Variants in USP28 observed in about 807,000 individuals in gnomAD.
USP28 encodes the protein ubiquitin specific peptidase 28.
In USP28, 113 loss-of-function variants were observed where a neutral mutation model predicts 145.0. The ratio of observed to expected loss-of-function variants is 0.78; its 90% CI spans 0.67 to 0.91. The LOEUF (loss-of-function observed/expected upper bound fraction) is 0.91. Among genes scored for constraint, USP28 ranks in the 40% least tolerant of loss-of-function variants. The probability of loss-of-function intolerance (pLI) is 0.00; values close to 1 mark genes in which losing one functional copy is unlikely to be tolerated. For missense variants in USP28, 1,201 were observed against 1,289.6 expected, an observed-to-expected ratio of 0.93 and a Z score of 1.05; for synonymous variants, 447 against 450.9, an observed-to-expected ratio of 0.99 and a Z score of 0.11.
exon 16 of USP28, chr11:113,812,353 T>C: frequency 1.2e-6 from 2 of 1,614,124 alleles, no homozygotes; most frequent in Non-Finnish European, 1.7e-6. Context: ...TCCATAGGAA[T>C]CTCTTTCAAC....
At chr11:113,869,350 A>G (rs1565518642) in intron 1 of USP28, among the ~76,000 whole-genome samples, 1 of 152,086 alleles carries the variant, frequency 6.6e-6, no homozygotes, top group African/African-American at 2.4e-5. Flanking sequence ...AATCAATAGA[A>G]CCCGGAAGGC....
chr11:113,848,945 G>C lies in USP28; in HGVS notation c.268+3556C>G, dbSNP rs1036357816. On this transcript the variant is annotated intron_variant, in intron 3 of 24. Coordinates refer to ENST00000003302, the Ensembl canonical transcript of USP28. ...AGATGACTCCTGAGACTTTGGACTAGAGAATTACCACTTGAGGGGCATTTA... is the reference window on the plus strand; with the variant it reads ...AGATGACTCCTGAGACTTTGGACTACAGAATTACCACTTGAGGGGCATTTA... 6.6e-5 allele frequency among the ~76,000 whole-genome samples: 10 copies of C among 152,174 alleles called. No homozygotes were observed. In the East Asian group the frequency reaches 9.6e-4, roughly 15 times the overall value.
At chr11:113,842,175 G>A (rs1043473974) in intron 3 of USP28, among the ~76,000 whole-genome samples, 1 of 151,700 alleles carries the variant, frequency 6.6e-6, no homozygotes, top group Admixed American at 6.6e-5. Context: ...AGTTAAGAAC[G>A]GTAAGAGAAA....
intron 3 of USP28, among the ~76,000 whole-genome samples, chr11:113,842,788 A>G (rs1377849689): frequency 6.6e-6 from 1 of 152,226 alleles, no homozygotes; most frequent in Non-Finnish European, 1.5e-5. Flanking sequence ...AAATATCCTT[A>G]GGCTGAGAAA....
intron 4 of USP28, 72 bp from the exon 5 acceptor site, chr11:113,840,829 A>G (rs1945118606): frequency 1.3e-6 from 2 of 1,512,460 alleles, no homozygotes; most frequent in South Asian, 1.3e-5. Context: ...GGAGGATGCT[A>G]TAACTTTTCG....
intron 16 of USP28, among the ~76,000 whole-genome samples, chr11:113,811,071 A>G (rs1338841202): frequency 6.6e-6 from 1 of 152,208 alleles, no homozygotes; most frequent in Non-Finnish European, 1.5e-5. Flanking sequence ...AAGACCTCTC[A>G]TAGAGGATGT....
At chr11:113,802,980 C>A (rs1939308744) in intron 23 of USP28, among the ~76,000 whole-genome samples, 178 bp downstream of exon 24, 1 of 152,190 alleles carries the variant, frequency 6.6e-6, no homozygotes, top group East Asian at 1.9e-4. Context: ...AGAAGAATGA[C>A]ATTCACTAAA....
chr11:113,862,567 T>G (rs1947802946), intron 1 of USP28, among the ~76,000 whole-genome samples: 1 of 152,120 alleles, frequency 6.6e-6, no homozygotes, highest in Admixed American at 6.5e-5. Flanking sequence ...AAAAGAAAGC[T>G]TGAGTTACAG....
At chr11:113,829,868 T>G (rs182128162) in intron 9 of USP28, among the ~76,000 whole-genome samples, 61 of 150,966 alleles carry the variant, frequency 4.0e-4, no homozygotes, top group Non-Finnish European at 5.9e-5. Flanking sequence ...CCAGACATTA[T>G]GTACTTCCTA....
In USP28 at chr11:113,868,014, T is replaced by C. The variant is rs747465862; in HGVS notation, c.57+7431A>G. Among the ~76,000 whole-genome samples the C allele has an allele frequency of 2.0e-5, 3 of 152,184 alleles. No homozygotes were observed. In the South Asian group the frequency reaches 6.2e-4, roughly 31 times the overall value. On this transcript the variant is annotated intron_variant, in intron 1 of 24. Coordinates refer to ENST00000003302, the Ensembl canonical transcript of USP28. ...CTTTAGTTTGGTTTTGTGTGTCTGA[T>C]ATTTTGACCCCTGTTTTACGTAGAA...
At chr11:113,863,920 G>C (rs1278695730) in intron 1 of USP28, among the ~76,000 whole-genome samples, 2 of 150,166 alleles carry the variant, frequency 1.3e-5, no homozygotes, top group Non-Finnish European at 3.0e-5. Context: ...ACTCCAGCCT[G>C]GGCGACACAG....
chr11:113,826,957 T>G (rs1012804278), intron 11 of USP28, among the ~76,000 whole-genome samples: 7 of 151,234 alleles, frequency 4.6e-5, no homozygotes, highest in Non-Finnish European at 7.4e-5. Context: ...AATGTAAGTC[T>G]GCTAGGAGCA....
chr11:113,850,819 G>A (rs1401900254), intron 3 of USP28, among the ~76,000 whole-genome samples: 13 of 152,142 alleles, frequency 8.5e-5, no homozygotes, highest in African/African-American at 2.4e-4. Flanking sequence ...TATAGGTTAC[G>A]ATTCCAAGTC....
intron 1 of USP28, among the ~76,000 whole-genome samples, chr11:113,855,893 C>G (rs977473977): frequency 6.6e-6 from 1 of 152,250 alleles, no homozygotes; most frequent in South Asian, 2.1e-4. Flanking sequence ...GCCTGGGCAA[C>G]AAGAGCACAA....
At chr11:113,818,161 T>C (rs952465302) in intron 12 of USP28, 3 of 178,664 alleles carry the variant, frequency 1.7e-5, no homozygotes, top group African/African-American at 7.1e-5. Flanking sequence ...TTTTTGGTTT[T>C]TTTTTTTTGA....
chr11:113,829,493 G>A (rs1230131958), intron 9 of USP28, 148 bp from the exon 10 acceptor site: 1 of 885,480 alleles, frequency 1.1e-6, no homozygotes, highest in South Asian at 1.8e-5. Context: ...AACCTCTAGT[G>A]AGCCAGTCAA....
chr11:113,854,441 GC>G, intron 1 of USP28, 106 bp from the exon 2 acceptor site: 1 of 1,080,962 alleles, frequency 9.3e-7, no homozygotes, highest in Non-Finnish European at 1.3e-6. Flanking sequence ...CCTGAGGCTT[GC>G]CCAGGCTGGA....
chr11:113,827,132 A>G, intron 11 of USP28, 101 bp downstream of exon 11: 2 of 1,402,024 alleles, frequency 1.4e-6, no homozygotes. Flanking sequence ...TTTGCATATT[A>G]TCATGTCTCC....
chr11:113,852,593 G>A (rs748699871), exon 3 of USP28: 3 of 1,614,150 alleles, frequency 1.9e-6, no homozygotes, highest in East Asian at 4.5e-5. Flanking sequence ...TCTCTCATCA[G>A]TGAGAAGGCT....
Sources: allele counts gnomAD v4.1 joint callset (sites outside exome capture counted in the v4.1 genomes callset), GRCh38; gene constraint gnomAD v4.1.1; transcripts MANE v1.5; gene names NCBI Gene and HGNC (gene_info 2026-07-23, HGNC 2026-07-21).